PCNT: variants seen among roughly 807,000 people sequenced by gnomAD.
The protein encoded by PCNT is pericentrin, also known as kendrin.
PCNT carries 319 observed loss-of-function variants against 380.4 expected under a neutral mutation model. That is an observed-to-expected ratio of 0.84 (90% CI 0.77 to 0.92). PCNT has a LOEUF of 0.92. Ranked by LOEUF, PCNT falls within the 40% of genes least tolerant of loss-of-function variation. PCNT has a pLI of 0.00. For missense variants in PCNT, 4,400 were observed against 4,255.3 expected (o/e 1.03, Z -0.95); for synonymous variants, 1,845 against 1,735.2 (o/e 1.06, Z -1.57).
At position 46,418,281 on chromosome 21, in the gene PCNT, A is replaced by T; in HGVS notation, c.6999A>T (p.Glu2333Asp). 1 of 1,602,472 alleles carries T rather than the reference A, an allele frequency of 6.2e-7. No individual in the cohort carries two copies. The change falls in exon 31 of 47, where the codon GAA (glutamate) becomes GAT (aspartate). Residue 2333 changes from glutamate to aspartate, a missense_variant. Coordinates refer to ENST00000359568, the MANE Select transcript of PCNT (RefSeq NM_006031.6). ...ETLSSPPPGL[E>D]GKADRSEKSD... is the part of the protein sequence containing the mutation. ...TAAGTTCACCTCCTCCTGGATTAGA[A>T]GGAAAAGCTGATAGAAGTGAGAAAA... is the stretch of plus-strand genomic sequence containing the variant.
chr21:46,442,714 A>C, intron 44 of PCNT, 141 bp downstream of exon 44: 2 of 701,268 alleles, frequency 2.9e-6, no homozygotes, highest in Admixed American at 4.1e-5. Context: ...CCGTCAGAGC[A>C]GTCGTCCAGA....
At chr21:46,406,662 GC>G (rs2086630833) in intron 27 of PCNT, among the ~76,000 whole-genome samples, 1 of 152,180 alleles carries the variant, frequency 6.6e-6, no homozygotes, top group African/African-American at 2.4e-5. Flanking sequence ...AGTCATCTTT[GC>G]CCAGCTCCTT....
At chr21:46,434,645 G>A (rs1174908792) in intron 38 of PCNT, among the ~76,000 whole-genome samples, 3 of 152,208 alleles carry the variant, frequency 2.0e-5, no homozygotes, top group East Asian at 1.9e-4. Context: ...TTGCTGACAC[G>A]CTTCTCCCGG....
intron 16 of PCNT, 60 bp from the exon 17 acceptor site, chr21:46,385,772 A>C: frequency 1.9e-6 from 3 of 1,561,088 alleles, no homozygotes; most frequent in Non-Finnish European, 2.7e-6. Flanking sequence ...AAAGTCCCTT[A>C]CAGCCATTTG....
At chr21:46,334,871 C>T in intron 3 of PCNT, 103 bp downstream of exon 3, 1 of 1,561,736 alleles carries the variant, frequency 6.4e-7, no homozygotes, top group African/African-American at 1.4e-5. Context: ...TGCAGGGCCT[C>T]TCTTTAGAAG....
chr21:46,357,155 G>A lies in PCNT; in HGVS notation c.2118G>A (p.Leu706=), dbSNP rs759598631. The part of the protein sequence containing the change: ...KIENRNLYGK[L]QHETRLKDDL... ...AAAATAGAAATTTGTATGGGAAGTT[G>A]CAGCATGAAACTCGTCTGAAGGACG... The change falls in exon 13 of 47, where the codon TTG becomes TTA. Residue 706 remains leucine (L), a synonymous_variant. Transcript: ENST00000359568. The A allele has an allele frequency of 4.3e-6, 7 of 1,613,714 alleles. No individual in the cohort carries two copies. The East Asian group carries it at 1.6e-4, about 36-fold the overall frequency.
intron 40 of PCNT, among the ~76,000 whole-genome samples, chr21:46,437,708 G>C (rs1280360010): frequency 1.3e-5 from 2 of 152,180 alleles, no homozygotes; most frequent in African/African-American, 4.8e-5. Context: ...GTGCAGGGGA[G>C]CTGCGCCGCT....
At position 46,388,469 on chromosome 21, in the gene PCNT, C is replaced by T. The variant is rs2085917349; in HGVS notation, c.3465-273C>T. On this transcript the variant is annotated intron_variant, in intron 17 of 46. Transcript: ENST00000359568. This position sits in a 1 kb window ranked among gnomAD's most constrained non-coding sequence, Gnocchi z 4.2. ...ACCTGCGGGACGGGTTTGCCGTGTT[C>T]CTAATGTGATGCCTTTTACACATCA... Among the ~76,000 whole-genome samples the T allele has an allele frequency of 6.6e-6, 1 of 152,216 alleles. No individual in the cohort carries two copies. Among genetic ancestry groups the T allele is most frequent in the Non-Finnish European group, 1.5e-5 (1 of 68,036 alleles).
At chr21:46,353,942 A>G (rs752096545) in intron 10 of PCNT, 45 bp from the exon 11 acceptor site, 3 of 1,518,664 alleles carry the variant, frequency 2.0e-6, no homozygotes, top group Non-Finnish European at 2.7e-6. Context: ...CACACATGGA[A>G]AAGGGGTACG....
chr21:46,391,666 T>C (rs1378190816), intron 21 of PCNT, among the ~76,000 whole-genome samples: 1 of 152,200 alleles, frequency 6.6e-6, no homozygotes, highest in Non-Finnish European at 1.5e-5. Flanking sequence ...CAGCAGCAGC[T>C]GGAGGCAGAG....
chr21:46,405,715 A>G (rs568907519), intron 27 of PCNT, among the ~76,000 whole-genome samples: 27 of 152,330 alleles, frequency 1.8e-4, no homozygotes, highest in African/African-American at 6.5e-4. Flanking sequence ...GAATGCCTTT[A>G]AAAACCATTG....
chr21:46,349,348 C>T (rs2084187024), intron 7 of PCNT, among the ~76,000 whole-genome samples, 162 bp downstream of exon 7: 1 of 152,230 alleles, frequency 6.6e-6, no homozygotes, highest in South Asian at 2.1e-4. Context: ...CGTCATGGGT[C>T]ACAGGTCTCT....
chr21:46,388,953 G>C lies in PCNT; in HGVS notation c.3607+69G>C. The C allele has an allele frequency of 2.0e-6, 3 of 1,535,960 alleles. No homozygotes were observed. Among genetic ancestry groups the C allele is most frequent in the Admixed American group, 3.9e-5 (2 of 51,228 alleles). ...CCTCTGTGGTCCTGGAGCTCTCTGA[G>C]AGGAGCCTCCGTATTGGGCGATGCC... On this transcript the variant is annotated intron_variant, in intron 18 of 46. Coordinates refer to ENST00000359568, the MANE Select transcript of PCNT (RefSeq NM_006031.6). This position sits in a 1 kb window ranked among gnomAD's most constrained non-coding sequence, Gnocchi z 4.2.
chr21:46,396,065 G>A (rs1181440016), intron 21 of PCNT, among the ~76,000 whole-genome samples: 1 of 152,196 alleles, frequency 6.6e-6, no homozygotes, highest in African/African-American at 2.4e-5. Context: ...GAGACTTCAG[G>A]ATTCAGCAGC....
chr21:46,421,260 G>A (rs918602938), intron 31 of PCNT, among the ~76,000 whole-genome samples: 1 of 152,238 alleles, frequency 6.6e-6, no homozygotes, highest in Non-Finnish European at 1.5e-5. Flanking sequence ...TCCCCAGGGA[G>A]CTTTGTCCAC....
intron 32 of PCNT, among the ~76,000 whole-genome samples, chr21:46,424,718 C>CG (rs2087418511): frequency 2.2e-5 from 3 of 139,162 alleles, no homozygotes; most frequent in Admixed American, 1.4e-4. Flanking sequence ...CACTGCGCCC[C>CG]CCCCAACCCT....
At position 46,432,206 on chromosome 21, in the gene PCNT, G is replaced by C; in HGVS notation, c.8742G>C (p.Lys2914Asn). 6.2e-7 allele frequency: 1 copy of C among 1,609,410 alleles called. No individual in the cohort carries two copies. Among genetic ancestry groups the C allele is most frequent in the Non-Finnish European group, 8.5e-7 (1 of 1,178,716 alleles). The change falls in exon 38 of 47, where the codon AAG becomes AAC. Residue 2914 changes from lysine (K) to asparagine (N), a missense_variant. By Grantham distance (94) the Lys-to-Asn change is moderately conservative. Coordinates refer to ENST00000359568, the MANE Select transcript of PCNT (RefSeq NM_006031.6). The part of the protein sequence containing the change: ...AEQWRKWQRD[K>N]EKLRELELQR... The stretch of plus-strand genomic sequence containing the variant: ...AGTGGAGGAAGTGGCAGAGAGACAA[G>C]GAGAAGCTGGTGAGAGCCGCCTGCC...
chr21:46,411,567 G>T lies in PCNT; in HGVS notation c.5494G>T (p.Glu1832Ter). Residue 1832 changes from glutamate (E) to a stop codon, truncating the protein, a stop_gained, in exon 28 of 47, where the codon GAG (glutamate) becomes TAG (stop). Coordinates refer to ENST00000359568, the MANE Select transcript of PCNT (RefSeq NM_006031.6). LOFTEE classifies it high-confidence loss of function. ...QRLQGAEEAA[E>*]LQLAELERNV... ...CCTCCAGGGCGCAGAGGAGGCTGCG[G>T]AGCTACAGCTGGCTGAGCTGGAGCG... The T allele has an allele frequency of 6.2e-7, 1 of 1,612,684 alleles. No individual in the cohort carries two copies. Among genetic ancestry groups the T allele is most frequent in the South Asian group, 1.1e-5 (1 of 91,082 alleles).
Position 46,440,074 on chromosome 21 carries a change from T to G in PCNT, c.9274-9T>G. Reference sequence around the variant, plus strand: ...CTCTGTAGACAGCGCTGGCTGTGCTTCCTTACAGAGGTCGGAAAGGTCTGC... The same window carrying G: ...CTCTGTAGACAGCGCTGGCTGTGCTGCCTTACAGAGGTCGGAAAGGTCTGC... On this transcript the variant is annotated splice_polypyrimidine_tract_variant and intron_variant, in intron 41 of 46. Transcript: ENST00000359568. 1 of 1,614,008 alleles carries G rather than the reference T, an allele frequency of 6.2e-7. No individual in the cohort carries two copies.
Sources: allele counts gnomAD v4.1 joint callset (sites outside exome capture counted in the v4.1 genomes callset), GRCh38; gene constraint gnomAD v4.1.1; non-coding constraint Gnocchi (gnomAD v3.1); transcripts MANE v1.5; gene names NCBI Gene and HGNC (gene_info 2026-07-23, HGNC 2026-07-21).